The following METTL15 variants were observed in gnomAD, a reference collection of about 807,000 sequenced individuals.
The protein encoded by METTL15 is methyltransferase 15, mitochondrial 12S rRNA N4-cytidine, also known as 12S rRNA N(4)-cytidine methyltransferase METTL15.
METTL15 carries 34 observed loss-of-function variants against 38.3 expected under a neutral mutation model. That is an observed-to-expected ratio of 0.89 (90% CI 0.68 to 1.18). METTL15 has a LOEUF of 1.18. METTL15 is among the 50% of genes most tolerant of loss of function. The pLI is 0.00. For missense variants in METTL15, 438 were observed against 498.4 expected (o/e 0.88, Z 1.15); for synonymous variants, 162 against 170.9 (o/e 0.95, Z 0.41).
intron 6 of METTL15, among the ~76,000 whole-genome samples, chr11:28,489,179 G>T (rs1044246640): frequency 1.4e-4 from 22 of 152,058 alleles, no homozygotes; most frequent in African/African-American, 4.3e-4. Flanking sequence ...ACAGCTGCTG[G>T]TATAACATCC....
At chr11:28,449,294 A>G (rs1380166300) in intron 6 of METTL15, among the ~76,000 whole-genome samples, 4 of 152,204 alleles carry the variant, frequency 2.6e-5, no homozygotes, top group Non-Finnish European at 2.9e-5. Flanking sequence ...TGATCCCACC[A>G]GATTTGGAGA....
intron 6 of METTL15, chr11:28,327,863 G>T: frequency 5.2e-6 from 2 of 386,254 alleles, no homozygotes; most frequent in Non-Finnish European, 9.2e-6. Context: ...AACATTTATT[G>T]AGCTTTCTGC....
chr11:28,437,849 G>A (rs1275742712), intron 6 of METTL15, among the ~76,000 whole-genome samples: 2 of 152,200 alleles, frequency 1.3e-5, no homozygotes, highest in Non-Finnish European at 2.9e-5. Flanking sequence ...TCCAAATGAT[G>A]TGATTAGTTA....
chr11:28,384,775 C>G (rs1850423722), intron 5 of METTL15, among the ~76,000 whole-genome samples: 1 of 152,122 alleles, frequency 6.6e-6, no homozygotes, highest in Non-Finnish European at 1.5e-5. Context: ...TATAAGCACT[C>G]CTTTTTCTTC....
chr11:28,172,123 A>G (rs756779215), intron 3 of METTL15, among the ~76,000 whole-genome samples: 1 of 152,054 alleles, frequency 6.6e-6, no homozygotes, highest in Non-Finnish European at 1.5e-5. Flanking sequence ...TTTTACTTCT[A>G]CCATAATCAG....
In METTL15 at chr11:28,330,583, T is replaced by C. The variant is rs1277453861; in HGVS notation, c.966T>C (p.His322=). ...PGGRLVALSF[H]SLEDRIVKRF... The stretch of plus-strand genomic sequence containing the variant: ...GTCGTCTTGTTGCCCTCTCCTTCCA[T>C]TCACTAGAGGATCGCATCGTCAAAA... The change falls in exon 7 of 7, where the codon CAT becomes CAC. Residue 322 remains histidine, a synonymous_variant. Transcript: ENST00000407364. 2 of 1,551,464 alleles carry C rather than the reference T, an allele frequency of 1.3e-6. No individual in the cohort carries two copies. The highest frequency in any genetic ancestry group is 8.7e-7 in the Non-Finnish European group (1 of 1,146,908).
chr11:28,158,728 T>A (rs1850347850), intron 3 of METTL15, among the ~76,000 whole-genome samples: 1 of 152,220 alleles, frequency 6.6e-6, no homozygotes, highest in African/African-American at 2.4e-5. Context: ...ACTCACTTTA[T>A]GGCTTAAGAA....
intron 3 of METTL15, among the ~76,000 whole-genome samples, chr11:28,188,012 A>T (rs913676544): frequency 2.6e-5 from 4 of 151,354 alleles, no homozygotes; most frequent in African/African-American, 9.7e-5. Flanking sequence ...ACCACTAGCC[A>T]TGTACTCTTA....
chr11:28,140,940 A>G (rs1238417321), intron 3 of METTL15, among the ~76,000 whole-genome samples: 1 of 152,112 alleles, frequency 6.6e-6, no homozygotes, highest in Non-Finnish European at 1.5e-5. Context: ...TTCTCCAGGG[A>G]TCCTTGCCTT....
chr11:28,245,671 T>C (rs563212536), intron 4 of METTL15, among the ~76,000 whole-genome samples: 1 of 152,264 alleles, frequency 6.6e-6, no homozygotes, highest in South Asian at 2.1e-4. Flanking sequence ...ACTTGGTAAT[T>C]TATGAAGAAA....
chr11:28,240,711 G>T (rs188443528), intron 4 of METTL15, among the ~76,000 whole-genome samples: 2 of 151,922 alleles, frequency 1.3e-5, no homozygotes, highest in African/African-American at 4.8e-5. Context: ...ATTTGTCCTA[G>T]GTTTCCCAAA....
At chr11:28,461,812 T>C (rs901729060) in intron 6 of METTL15, among the ~76,000 whole-genome samples, 3 of 152,078 alleles carry the variant, frequency 2.0e-5, no homozygotes, top group Non-Finnish European at 4.4e-5. Context: ...CAAGTCAGGG[T>C]ATTCAGGGTG....
chr11:28,389,670 T>G (rs1850481159), intron 5 of METTL15, among the ~76,000 whole-genome samples: 1 of 151,860 alleles, frequency 6.6e-6, no homozygotes, highest in African/African-American at 2.4e-5. Context: ...TTTGCTATTG[T>G]GAATAGTGCC....
At chr11:28,378,321 G>T (rs1850342911) in intron 5 of METTL15, among the ~76,000 whole-genome samples, 1 of 152,226 alleles carries the variant, frequency 6.6e-6, no homozygotes, top group South Asian at 2.1e-4. Flanking sequence ...CCGTGGGGTA[G>T]GACCCTCTGA....
At chr11:28,194,122 A>ATCTTTCTTTTTCTTTCTTTCTT (rs1851801396) in intron 3 of METTL15, among the ~76,000 whole-genome samples, 3 of 99,078 alleles carry the variant, frequency 3.0e-5, no homozygotes, top group Admixed American at 1.1e-4. Flanking sequence ...TTGATGGTTG[A>ATCTTTCTTTTTCTTTCTTTCTT]TCTTTCTTTC....
At chr11:28,364,292 A>G (rs1850167138) in intron 5 of METTL15, among the ~76,000 whole-genome samples, 1 of 152,188 alleles carries the variant, frequency 6.6e-6, no homozygotes, top group Non-Finnish European at 1.5e-5. Context: ...TTTTAATTAT[A>G]TTGATTCTTC....
rs180700076 is a variant in METTL15, at chr11:28,368,356, C to T, written c.*358+6320C>T. ...ACTGGGCAAAGGATATGAACAGACA[C>T]TTCTCAAAAGAAGACATTTATGCAG... is the stretch of plus-strand genomic sequence containing the variant. On this transcript the variant is annotated intron_variant and NMD_transcript_variant, in intron 5 of 7. Coordinates refer to the METTL15 transcript ENST00000532947. Among the ~76,000 whole-genome samples the T allele has an allele frequency of 2.1e-3, 322 of 152,232 alleles. 1 individual carries two copies. The highest frequency in any genetic ancestry group is 3.4e-3 in the Middle Eastern group (1 of 294).
At chr11:28,411,859 A>T (rs1161310201) in intron 5 of METTL15, among the ~76,000 whole-genome samples, 1 of 152,112 alleles carries the variant, frequency 6.6e-6, no homozygotes, top group East Asian at 1.9e-4. Context: ...AGGGGTTAAT[A>T]TCCAAAATTT....
rs10660185 is a variant in METTL15 at position 28,161,107 on chromosome 11, CTT to C, written c.270+47521_270+47522del. On this transcript the variant is annotated intron_variant, in intron 3 of 6. Coordinates refer to ENST00000407364, the MANE Select transcript of METTL15 (RefSeq NM_001113528.2). ...GATATAGTCAGATGTTTGCACCTTCCTTTTTTTTTTTTTTTTTTTGTTTTTTG... is the reference window on the plus strand; with the variant it reads ...GATATAGTCAGATGTTTGCACCTTCCTTTTTTTTTTTTTTTTTGTTTTTTG... Among the ~76,000 whole-genome samples the C allele has an allele frequency of 2.9e-3, 381 of 131,910 alleles. 16 individuals are homozygous for C. The South Asian group carries it at 0.076, about 26-fold the overall frequency. The allele number at this position is 131,910 out of a possible 152,430, so 86.5% of individuals were successfully genotyped here.
Sources: allele counts gnomAD v4.1 joint callset (sites outside exome capture counted in the v4.1 genomes callset), GRCh38; gene constraint gnomAD v4.1.1; transcripts MANE v1.5; gene names NCBI Gene and HGNC (gene_info 2026-07-23, HGNC 2026-07-21).